HIBCH: variants seen among roughly 807,000 people sequenced by gnomAD.
The protein encoded by HIBCH is 3-hydroxyisobutyryl-CoA hydrolase, mitochondrial.
HIBCH carries 50 observed loss-of-function variants against 58.2 expected under a neutral mutation model. The ratio of observed to expected loss-of-function variants is 0.86; its 90% CI spans 0.68 to 1.09. The LOEUF (loss-of-function observed/expected upper bound fraction) is 1.09, where lower values mean the gene tolerates loss of function less well. Among genes scored for constraint, HIBCH ranks in the 50% least tolerant of loss-of-function variants. HIBCH has a pLI of 0.00. For synonymous variants in HIBCH, 151 were observed against 146.9 expected, an observed-to-expected ratio of 1.03 and a Z score of -0.20; for missense variants, 450 against 449.7, an observed-to-expected ratio of 1.00 and a Z score of -0.01.
At chr2:190,266,564 G>C (rs975371825) in intron 6 of HIBCH, among the ~76,000 whole-genome samples, 2 of 151,946 alleles carry the variant, frequency 1.3e-5, no homozygotes. Flanking sequence ...CTCCGGAGTA[G>C]CTGGAACTAC....
intron 8 of HIBCH, 63 bp from the exon 9 acceptor site, chr2:190,249,789 A>G: frequency 9.7e-7 from 1 of 1,029,714 alleles, no homozygotes; most frequent in African/African-American, 1.6e-5. Context: ...AAAGCTTTAT[A>G]AAAATCTCAT....
chr2:190,277,671 G>C (rs1334979109), intron 6 of HIBCH, among the ~76,000 whole-genome samples: 1 of 152,160 alleles, frequency 6.6e-6, no homozygotes, highest in East Asian at 1.9e-4. Flanking sequence ...CCTAATTTAA[G>C]AGTATAGTTT....
intron 1 of HIBCH, among the ~76,000 whole-genome samples, chr2:190,311,541 T>G (rs559276815): frequency 1.3e-5 from 2 of 152,292 alleles, no homozygotes; most frequent in African/African-American, 4.8e-5. Context: ...GCCTTTCCGG[T>G]AAACAGTCTG....
At chr2:190,286,832 T>C (rs988636452) in intron 6 of HIBCH, among the ~76,000 whole-genome samples, 15 of 150,840 alleles carry the variant, frequency 9.9e-5, no homozygotes, top group African/African-American at 3.2e-4. Context: ...ACAGGTACAA[T>C]TTAGGCAACC....
At chr2:190,202,166 C>T (rs1690263839), downstream of HIBCH, 1 of 167,004 alleles carries the variant, frequency 6.0e-6, no homozygotes, top group East Asian at 1.9e-4. Flanking sequence ...CTGCCAGATC[C>T]ATATCAACTA....
At chr2:190,266,475 C>G (rs1252605650) in intron 6 of HIBCH, among the ~76,000 whole-genome samples, 2 of 152,126 alleles carry the variant, frequency 1.3e-5, no homozygotes, top group Non-Finnish European at 2.9e-5. Flanking sequence ...ACCCTGTCAC[C>G]CAGGCTGAAG....
chr2:190,249,652 A>C lies in HIBCH; in HGVS notation c.738T>G (p.Asn246Lys). 3 of 1,590,848 alleles carry C rather than the reference A, an allele frequency of 1.9e-6. No individual in the cohort carries two copies. Among genetic ancestry groups the C allele is most frequent in the Non-Finnish European group, 2.6e-6 (3 of 1,159,236 alleles). ...TTAACAAGATTACCTCTGTATGGTA[A>C]TTTTCTAAGACAGATGCAATATTTT... Reference protein sequence around the residue: ...SKENIASVLENYHTESKIDRD... With the variant: ...SKENIASVLEKYHTESKIDRD... The change falls in exon 9 of 14, where the codon AAT (asparagine) becomes AAG (lysine). Residue 246 changes from asparagine (N) to lysine (K), a missense_variant. Coordinates refer to ENST00000359678, the MANE Select transcript of HIBCH (RefSeq NM_014362.4).
chr2:190,246,299 G>C (rs969250161), intron 9 of HIBCH, 87 bp from the exon 10 acceptor site: 3 of 765,208 alleles, frequency 3.9e-6, no homozygotes, highest in African/African-American at 3.5e-5. Context: ...CTTTGTGAAA[G>C]ATTGTCACTT....
At chr2:190,290,377 T>C (rs1348282137) in intron 5 of HIBCH, 28 bp downstream of exon 5, 1 of 1,454,420 alleles carries the variant, frequency 6.9e-7, no homozygotes, top group South Asian at 1.1e-5. Flanking sequence ...TTATTCCATT[T>C]CCAAAGCTCT....
chr2:190,308,813 T>TA (rs1412134370), intron 2 of HIBCH, among the ~76,000 whole-genome samples: 1 of 152,212 alleles, frequency 6.6e-6, no homozygotes, highest in Non-Finnish European at 1.5e-5. Context: ...CATCTCCACT[T>TA]AGGCTTAACA....
rs1387750481 is a variant in HIBCH at position 190,197,067 on chromosome 2, G to A, written c.*18-7070C>T. Reference sequence around the variant, plus strand: ...GGCCTCACATGTCAGTAGGGGCAAGGGAACTCTCTGGGGTCTCTTTTATGA... The same window carrying A: ...GGCCTCACATGTCAGTAGGGGCAAGAGAACTCTCTGGGGTCTCTTTTATGA... On this transcript the variant is annotated intron_variant, in intron 1 of 1. Transcript: ENST00000399855. This position sits in a 1 kb window ranked among gnomAD's most constrained non-coding sequence, Gnocchi z 4.0. Among the ~76,000 whole-genome samples the A allele has an allele frequency of 6.6e-6, 1 of 152,076 alleles. No individual in the cohort carries two copies. Among genetic ancestry groups the A allele is most frequent in the African/African-American group, 2.4e-5 (1 of 41,404 alleles).
intron 11 of HIBCH, 154 bp from the exon 12 acceptor site, chr2:190,213,229 C>T (rs1171520893): frequency 3.2e-6 from 2 of 624,332 alleles, no homozygotes; most frequent in Non-Finnish European, 5.6e-6. Flanking sequence ...CCAAACAAAA[C>T]TTTTCTAATC....
At chr2:190,255,050 C>T (rs1686885025) in intron 7 of HIBCH, among the ~76,000 whole-genome samples, 1 of 152,084 alleles carries the variant, frequency 6.6e-6, no homozygotes, top group Non-Finnish European at 1.5e-5. Flanking sequence ...AACCTATTAT[C>T]CAATCTCACT....
chr2:190,227,346 C>T (rs1402071160), intron 11 of HIBCH, among the ~76,000 whole-genome samples: 14 of 152,076 alleles, frequency 9.2e-5, no homozygotes, highest in South Asian at 6.2e-4. Context: ...ATAAATGGTG[C>T]TGGGAAAACT....
rs1313181144 is a variant in HIBCH, at chr2:190,204,007, TTAAAATTA to T, written c.*1102_*1109del. 6.6e-6 allele frequency: 1 copy of T among 152,026 alleles called. No individual in the cohort carries two copies. The highest frequency in any genetic ancestry group is 1.5e-5 in the Non-Finnish European group (1 of 67,944). 9.4% of individuals were successfully genotyped at this position (152,026 alleles called of 1,614,324 possible). The stretch of plus-strand genomic sequence containing the variant: ...TGTTTGTTAATTTATAAACTTACCT[TTAAAATTA>T]AACAAAAATTACAAACAAAAAACAA... On this transcript the variant is annotated 3_prime_UTR_variant, in exon 14 of 14. Transcript: ENST00000359678.
At chr2:190,246,978 A>T (rs561215422) in intron 9 of HIBCH, among the ~76,000 whole-genome samples, 1 of 151,248 alleles carries the variant, frequency 6.6e-6, no homozygotes, top group East Asian at 1.9e-4. Context: ...CAGCTGATTC[A>T]CACTAAGCTC....
intron 6 of HIBCH, among the ~76,000 whole-genome samples, chr2:190,277,856 T>G (rs187218630): frequency 6.6e-6 from 1 of 152,316 alleles, no homozygotes; most frequent in African/African-American, 2.4e-5. Flanking sequence ...TCACTGCTCA[T>G]GCTGCAAGGT....
chr2:190,293,965 A>T (rs1688028867), intron 4 of HIBCH, among the ~76,000 whole-genome samples: 1 of 149,446 alleles, frequency 6.7e-6, no homozygotes, highest in South Asian at 2.1e-4. Context: ...TTATCTCAGC[A>T]TGTTTAAACA....
At chr2:190,233,279 A>T (rs1686164577) in intron 11 of HIBCH, among the ~76,000 whole-genome samples, 1 of 152,136 alleles carries the variant, frequency 6.6e-6, no homozygotes, top group East Asian at 1.9e-4. Flanking sequence ...GAGAGAGAAA[A>T]GGCAAGTCAC....
Sources: allele counts gnomAD v4.1 joint callset (sites outside exome capture counted in the v4.1 genomes callset), GRCh38; gene constraint gnomAD v4.1.1; non-coding constraint Gnocchi (gnomAD v3.1); transcripts MANE v1.5; gene names NCBI Gene and HGNC (gene_info 2026-07-23, HGNC 2026-07-21).